SATB1: variants seen among roughly 807,000 people sequenced by gnomAD.
SATB1 encodes DNA-binding protein SATB1.
In SATB1, 11 loss-of-function variants were observed where a neutral mutation model predicts 86.9. The observed-to-expected ratio is 0.13, with a 90% CI of 0.08 to 0.21. The LOEUF (loss-of-function observed/expected upper bound fraction) is 0.21, where lower values mean the gene tolerates loss of function less well. Ranked by LOEUF, SATB1 falls within the 10% of genes least tolerant of loss-of-function variation. The probability of loss-of-function intolerance (pLI) is 1.00; values close to 1 mark genes in which losing one functional copy is unlikely to be tolerated. For synonymous variants in SATB1, 357 were observed against 357.2 expected (o/e 1.00, Z 0.01); for missense variants, 551 against 937.6 (o/e 0.59, Z 5.39).
chr3:18,390,888 A>G (rs542571711), intron 7 of SATB1, among the ~76,000 whole-genome samples: 12 of 152,246 alleles, frequency 7.9e-5, no homozygotes, highest in Admixed American at 7.2e-4. Flanking sequence ...TAGCAATAAG[A>G]TAGAGAAGTG....
At chr3:18,406,192 T>G (rs964906580) in intron 5 of SATB1, among the ~76,000 whole-genome samples, 8 of 152,092 alleles carry the variant, frequency 5.3e-5, no homozygotes, top group East Asian at 1.9e-4. Flanking sequence ...CTCTCTAAAT[T>G]CAGGTGACTC....
intron 2 of SATB1, among the ~76,000 whole-genome samples, chr3:18,432,928 C>T (rs890765102): frequency 6.6e-6 from 1 of 152,026 alleles, no homozygotes; most frequent in African/African-American, 2.4e-5. Context: ...TGAACAATCC[C>T]ATCCCCACCC....
At chr3:18,419,637 A>G (rs1375841410) in intron 2 of SATB1, among the ~76,000 whole-genome samples, 1 of 152,082 alleles carries the variant, frequency 6.6e-6, no homozygotes, top group African/African-American at 2.4e-5. Flanking sequence ...ATATTAATGC[A>G]CTCTGTTTGA....
chr3:18,381,328 G>A (rs1268894394), intron 8 of SATB1, among the ~76,000 whole-genome samples: 1 of 152,134 alleles, frequency 6.6e-6, no homozygotes, highest in Non-Finnish European at 1.5e-5. Context: ...CAAGCACACT[G>A]CTTTTACACA....
At chr3:18,377,981 T>C (rs540185426) in intron 9 of SATB1, among the ~76,000 whole-genome samples, 189 bp downstream of exon 9, 237 of 152,262 alleles carry the variant, frequency 1.6e-3, no homozygotes, top group Non-Finnish European at 2.3e-3. Flanking sequence ...GGAGTGGCTA[T>C]TGGAAAAAAC....
chr3:18,396,218 T>C (rs1696958525), intron 6 of SATB1, among the ~76,000 whole-genome samples: 1 of 152,172 alleles, frequency 6.6e-6, no homozygotes, highest in Non-Finnish European at 1.5e-5. Context: ...TTTTGGTAGA[T>C]GGATGGTTTT....
intron 9 of SATB1, among the ~76,000 whole-genome samples, chr3:18,358,086 G>A (rs1694737868): frequency 6.6e-6 from 1 of 151,640 alleles, no homozygotes; most frequent in Non-Finnish European, 1.5e-5. Flanking sequence ...ACCATTTTTT[G>A]GTGGCAAAGT....
intron 8 of SATB1, among the ~76,000 whole-genome samples, chr3:18,384,789 G>C (rs530425435): frequency 6.6e-6 from 1 of 151,754 alleles, no homozygotes; most frequent in Admixed American, 6.6e-5. Flanking sequence ...CTTTATCTTA[G>C]GAAATATTTT....
chr3:18,410,739 A>C (rs1470457578), intron 5 of SATB1: 1 of 249,872 alleles, frequency 4.0e-6, no homozygotes, highest in Non-Finnish European at 7.5e-6. Flanking sequence ...TATTCTCTTA[A>C]GAATGTGCTT....
intron 9 of SATB1, among the ~76,000 whole-genome samples, chr3:18,377,695 T>C (rs185348903): frequency 6.6e-6 from 1 of 152,264 alleles, no homozygotes; most frequent in East Asian, 1.9e-4. Context: ...TATTTAATAG[T>C]TGCAGCCAGC....
upstream of SATB1, among the ~76,000 whole-genome samples, chr3:18,441,693 T>G (rs918017179): frequency 2.0e-5 from 3 of 152,168 alleles, no homozygotes; most frequent in African/African-American, 7.2e-5. Flanking sequence ...TAACAGTGTT[T>G]GTAACCAAAA....
chr3:18,366,297 C>T (rs941153153), intron 9 of SATB1, among the ~76,000 whole-genome samples: 8 of 151,906 alleles, frequency 5.3e-5, no homozygotes, highest in African/African-American at 1.9e-4. Flanking sequence ...TCACTCCCTG[C>T]TTCCTTTTCC....
At chr3:18,378,410 C>G (rs1338042666) in intron 8 of SATB1, 85 bp from the exon 9 acceptor site, 2 of 1,303,136 alleles carry the variant, frequency 1.5e-6, no homozygotes, top group Non-Finnish European at 2.2e-6. Flanking sequence ...AAACTGGACA[C>G]TGTTGTTCCT....
At position 18,394,682 on chromosome 3, in the gene SATB1, T is replaced by G; in HGVS notation, c.986A>C (p.Gln329Pro). ...TAAAAGTCTATTCACTGCATACTGC[T>G]GGTTCAGCAGCTGAGCCATCACCAG... is the stretch of plus-strand genomic sequence containing the variant. ...QQLVMAQLLN[Q>P]QYAVNRLLAQ... is the part of the protein sequence containing the mutation. The change falls in exon 7 of 11, where the codon CAG (glutamine) becomes CCG (proline). Residue 329 changes from glutamine (Q) to proline (P), a missense_variant. This residue lies in a region of SATB1 where 119 missense variants were observed against 171.1 expected (regional missense o/e 0.70). Coordinates refer to ENST00000338745, the MANE Select transcript of SATB1 (RefSeq NM_002971.6). The surrounding 1 kb of genome is among the most constrained non-coding windows in gnomAD (Gnocchi z 5.9). The G allele has an allele frequency of 1.2e-6, 2 of 1,614,164 alleles. No homozygotes were observed. The highest frequency in any genetic ancestry group is 1.7e-6 in the Non-Finnish European group (2 of 1,180,026).
chr3:18,349,665 C>T lies in SATB1; in HGVS notation c.1797G>A (p.Gln599=). Residue 599 remains glutamine, a synonymous_variant, in exon 11 of 11, where the codon CAG becomes CAA. Transcript: ENST00000338745. This position sits in a 1 kb window ranked among gnomAD's most constrained non-coding sequence, Gnocchi z 5.5. ...CCTGCTGCTGCTGCTGCTGCTGTTG[C>T]TGTTGCTGCTGCTGTTGCTGCAAAG... ...AEQIQQQQQQ[Q]QQQQQQQQAP... is the part of the protein sequence containing the mutation. 1 of 1,607,056 alleles carries T rather than the reference C, an allele frequency of 6.2e-7. No homozygotes were observed. Among genetic ancestry groups the T allele is most frequent in the Non-Finnish European group, 8.5e-7 (1 of 1,177,062 alleles).
intron 9 of SATB1, among the ~76,000 whole-genome samples, chr3:18,374,679 T>C (rs1325935857): frequency 6.6e-6 from 1 of 152,154 alleles, no homozygotes; most frequent in East Asian, 1.9e-4. Context: ...ACAATACATG[T>C]GAAATGGTGG....
At chr3:18,388,363 C>G (rs147484372) in intron 7 of SATB1, among the ~76,000 whole-genome samples, 4 of 152,014 alleles carry the variant, frequency 2.6e-5, no homozygotes, top group African/African-American at 9.6e-5. Flanking sequence ...AATGAAATAA[C>G]CCTTGCTCTT....
rs1272414176 is a variant in SATB1, at chr3:18,348,941, C to T, written c.*229G>A. 9.5e-6 allele frequency: 6 copies of T among 632,458 alleles called. No individual in the cohort carries two copies. The Admixed American group carries it at 2.0e-4, about 21-fold the overall frequency. The allele number at this position is 632,458 out of a possible 1,614,324, so 39.2% of individuals were successfully genotyped here. ...ATCCCGTGAACACAAATTTTAATACCAAACAATCCTTGATGCTTCACCTGG... is the reference window on the plus strand; with the variant it reads ...ATCCCGTGAACACAAATTTTAATACTAAACAATCCTTGATGCTTCACCTGG... On this transcript the variant is annotated 3_prime_UTR_variant, in exon 11 of 11. Coordinates refer to ENST00000338745, the MANE Select transcript of SATB1 (RefSeq NM_002971.6).
chr3:18,377,159 A>G (rs1284322132), intron 9 of SATB1, among the ~76,000 whole-genome samples: 2 of 152,232 alleles, frequency 1.3e-5, no homozygotes, highest in Admixed American at 6.5e-5. Flanking sequence ...TGTTACAAAT[A>G]TATCGGATTA....
Sources: allele counts gnomAD v4.1 joint callset (sites outside exome capture counted in the v4.1 genomes callset), GRCh38; gene constraint gnomAD v4.1.1; regional missense constraint gnomAD v4.1.1; non-coding constraint Gnocchi (gnomAD v3.1); transcripts MANE v1.5; gene names NCBI Gene and HGNC (gene_info 2026-07-23, HGNC 2026-07-21).